The following SLC35F3 variants were observed in gnomAD, a reference collection of about 807,000 sequenced individuals.
SLC35F3 encodes putative thiamine transporter SLC35F3.
SLC35F3 carries 25 observed loss-of-function variants against 49.9 expected under a neutral mutation model. The ratio of observed to expected loss-of-function variants is 0.50; its 90% confidence interval spans 0.37 to 0.70. SLC35F3 has a LOEUF of 0.70. Among genes scored for constraint, SLC35F3 ranks in the 30% least tolerant of loss-of-function variants. The pLI, the probability that SLC35F3 is intolerant of heterozygous loss-of-function variation, is 0.00. For synonymous variants in SLC35F3, 275 were observed against 265.4 expected, an observed-to-expected ratio of 1.04 and a Z score of -0.35; for missense variants, 525 against 639.8, an observed-to-expected ratio of 0.82 and a Z score of 1.94.
At chr1:234,149,155 G>C (rs1194433307) in intron 2 of SLC35F3, among the ~76,000 whole-genome samples, 3 of 152,062 alleles carry the variant, frequency 2.0e-5, no homozygotes, top group African/African-American at 7.3e-5. Flanking sequence ...ATGGAAAAGG[G>C]GAGAACCAAG....
chr1:234,042,231 A>C (rs935960909), intron 2 of SLC35F3, among the ~76,000 whole-genome samples: 6 of 152,200 alleles, frequency 3.9e-5, no homozygotes, highest in African/African-American at 1.4e-4. Context: ...GATCATTATC[A>C]AGTCATTTGT....
intron 2 of SLC35F3, among the ~76,000 whole-genome samples, chr1:234,014,302 C>T (rs2102839242): frequency 6.6e-6 from 1 of 152,160 alleles, no homozygotes; most frequent in Non-Finnish European, 1.5e-5. Flanking sequence ...TATAATGAAA[C>T]TCTCTACAAA....
intron 2 of SLC35F3, among the ~76,000 whole-genome samples, chr1:233,978,937 G>A (rs1663135061): frequency 6.6e-6 from 1 of 151,986 alleles, no homozygotes. Flanking sequence ...TCGGGAGGCT[G>A]AGGCAGGAGA....
chr1:234,187,652 C>A (rs935162214), intron 2 of SLC35F3, among the ~76,000 whole-genome samples: 1 of 152,138 alleles, frequency 6.6e-6, no homozygotes, highest in South Asian at 2.1e-4. Context: ...CACTGGGGAA[C>A]CTGAAAGTCC....
At chr1:234,308,250 AG>A (rs1162700007) in intron 3 of SLC35F3, among the ~76,000 whole-genome samples, 1 of 152,196 alleles carries the variant, frequency 6.6e-6, no homozygotes, top group Admixed American at 6.5e-5. Flanking sequence ...AAAATGTATT[AG>A]ATATACCCAA....
chr1:234,012,020 A>G (rs866714793), intron 2 of SLC35F3, among the ~76,000 whole-genome samples: 1 of 152,192 alleles, frequency 6.6e-6, no homozygotes, highest in Non-Finnish European at 1.5e-5. Flanking sequence ...CTCAGCAAGA[A>G]GAATGCGGTA....
intron 2 of SLC35F3, among the ~76,000 whole-genome samples, chr1:233,976,882 A>G (rs1278332211): frequency 6.6e-6 from 1 of 152,196 alleles, no homozygotes; most frequent in African/African-American, 2.4e-5. Context: ...AAGTGCTGGA[A>G]TTACAGGCGT....
At chr1:234,176,834 T>C (rs1666483270) in intron 2 of SLC35F3, among the ~76,000 whole-genome samples, 3 of 152,194 alleles carry the variant, frequency 2.0e-5, no homozygotes, top group Admixed American at 2.0e-4. Context: ...GTTCTTGTTG[T>C]GATACTTTCT....
At chr1:234,150,074 C>G in intron 2 of SLC35F3, among the ~76,000 whole-genome samples, 1 of 152,220 alleles carries the variant, frequency 6.6e-6, no homozygotes, top group South Asian at 2.1e-4. Flanking sequence ...AACCAGCAAG[C>G]AAAGCTGCCT....
At chr1:234,196,953 A>G (rs1558257012) in intron 2 of SLC35F3, among the ~76,000 whole-genome samples, 1 of 152,212 alleles carries the variant, frequency 6.6e-6, no homozygotes, top group Non-Finnish European at 1.5e-5. Context: ...GGAAAAAAAA[A>G]GAAAGACAAA....
At chr1:233,915,781 G>C (rs2102784758) in intron 2 of SLC35F3, among the ~76,000 whole-genome samples, 1 of 152,318 alleles carries the variant, frequency 6.6e-6, no homozygotes, top group South Asian at 2.1e-4. Flanking sequence ...GGCAAAGAGA[G>C]AGAGAGCTTG....
In SLC35F3 at chr1:234,205,233, A is replaced by C. The variant is rs559205387; in HGVS notation, c.284-26184A>C. Among the ~76,000 whole-genome samples, 6 of 152,306 alleles carry C rather than the reference A, an allele frequency of 3.9e-5. No individual in the cohort carries two copies. In the South Asian group the frequency reaches 1.2e-3, roughly 32 times the overall value. On this transcript the variant is annotated intron_variant, in intron 2 of 7. Transcript: ENST00000366618. ...GTGGACTTGGGTGGGCCGCACTCTGAGGTAATGGTCTCAGCATGTCCTGCC... is the reference window on the plus strand; with the variant it reads ...GTGGACTTGGGTGGGCCGCACTCTGCGGTAATGGTCTCAGCATGTCCTGCC...
At chr1:233,911,862 G>A (rs1416974932) in intron 2 of SLC35F3, among the ~76,000 whole-genome samples, 1 of 152,136 alleles carries the variant, frequency 6.6e-6, no homozygotes, top group East Asian at 1.9e-4. Flanking sequence ...TTAGGGAGAC[G>A]TGGGCAAGGA....
At chr1:234,080,284 C>G (rs1030183568) in intron 2 of SLC35F3, among the ~76,000 whole-genome samples, 1 of 152,282 alleles carries the variant, frequency 6.6e-6, no homozygotes, top group South Asian at 2.1e-4. Context: ...GGCATGGAAG[C>G]TCCATGCCCT....
intron 3 of SLC35F3, among the ~76,000 whole-genome samples, chr1:234,246,755 A>T (rs1030667261): frequency 6.6e-6 from 1 of 152,262 alleles, no homozygotes; most frequent in African/African-American, 2.4e-5. Flanking sequence ...AAACAGAAAC[A>T]GCCATATGCT....
intron 2 of SLC35F3, among the ~76,000 whole-genome samples, chr1:233,941,397 C>T (rs1662417938): frequency 6.6e-6 from 1 of 152,166 alleles, no homozygotes; most frequent in Admixed American, 6.5e-5. Context: ...TACTATATAA[C>T]AATTGTCACT....
chr1:234,094,047 G>A (rs951336338), intron 2 of SLC35F3, among the ~76,000 whole-genome samples: 7 of 152,334 alleles, frequency 4.6e-5, no homozygotes, highest in Admixed American at 3.9e-4. Flanking sequence ...GCCCACAGTC[G>A]CTGTGCACTC....
chr1:234,198,667 G>T (rs1666850740), intron 2 of SLC35F3, among the ~76,000 whole-genome samples: 1 of 151,870 alleles, frequency 6.6e-6, no homozygotes, highest in Non-Finnish European at 1.5e-5. Flanking sequence ...ATATGTATGG[G>T]GTACAATGTG....
chr1:234,116,597 C>T (rs889181561), intron 2 of SLC35F3, among the ~76,000 whole-genome samples: 2 of 151,972 alleles, frequency 1.3e-5, no homozygotes, highest in African/African-American at 2.4e-5. Flanking sequence ...CTGCAACCTC[C>T]GTCTCCCAGG....
Sources: gnomAD v4.1 joint callset for allele counts (sites outside exome capture counted in the v4.1 genomes callset) on GRCh38, gnomAD v4.1.1 for gene constraint, MANE v1.5 for transcripts, NCBI Gene and HGNC (gene_info 2026-07-23, HGNC 2026-07-21) for gene names.